RBFOX1: variants seen among roughly 807,000 people sequenced by gnomAD.
RBFOX1 encodes RNA binding protein fox-1 homolog 1.
A neutral mutation model predicts 57.7 loss-of-function variants in RBFOX1; 8 were observed. The ratio of observed to expected loss-of-function variants is 0.14; its 90% CI spans 0.08 to 0.25. RBFOX1 has a LOEUF of 0.25. Among genes scored for constraint, RBFOX1 ranks in the 10% least tolerant of loss-of-function variants. The probability of loss-of-function intolerance (pLI) is 1.00; values close to 1 mark genes in which losing one functional copy is unlikely to be tolerated. For missense variants in RBFOX1, 611 were observed against 548.5 expected, an observed-to-expected ratio of 1.11 and a Z score of -1.14; for synonymous variants, 326 against 222.4, an observed-to-expected ratio of 1.47 and a Z score of -4.15.
intron 12 of RBFOX1, among the ~76,000 whole-genome samples, chr16:7,662,090 C>T (rs940328971): frequency 2.6e-5 from 4 of 152,180 alleles, no homozygotes; most frequent in Non-Finnish European, 5.9e-5. Context: ...AACCCCAACT[C>T]TTGGCCCACA....
intron 3 of RBFOX1, among the ~76,000 whole-genome samples, chr16:6,900,069 C>T (rs867554768): frequency 1.3e-5 from 2 of 152,218 alleles, no homozygotes; most frequent in Middle Eastern, 3.4e-3. Flanking sequence ...TGAGTTAATA[C>T]TCATAAAATG....
chr16:6,658,905 G>GTTTTTTGT (rs145933406), intron 3 of RBFOX1, among the ~76,000 whole-genome samples: 1 of 114,304 alleles, frequency 8.7e-6, no homozygotes, highest in East Asian at 4.2e-4. Context: ...AGGAGCACAG[G>GTTTTTTGT]TTTTTTGTTT....
At chr16:5,545,769 A>C (rs545264519) in intron 2 of RBFOX1, among the ~76,000 whole-genome samples, 2 of 152,328 alleles carry the variant, frequency 1.3e-5, no homozygotes, top group Non-Finnish European at 2.9e-5. Flanking sequence ...CTTTCTGCTT[A>C]AGATCGGGAA....
intron 1 of RBFOX1, among the ~76,000 whole-genome samples, chr16:6,045,234 C>G (rs967472414): frequency 6.6e-6 from 1 of 152,320 alleles, no homozygotes; most frequent in Admixed American, 6.5e-5. Context: ...GATGCTACTG[C>G]TGCTGACCTG....
intron 4 of RBFOX1, among the ~76,000 whole-genome samples, chr16:7,132,951 A>G (rs995713195): frequency 6.6e-6 from 1 of 152,224 alleles, no homozygotes; most frequent in Non-Finnish European, 1.5e-5. Context: ...TGTGATTCTG[A>G]TGAAACTGCA....
intron 4 of RBFOX1, among the ~76,000 whole-genome samples, chr16:7,261,772 C>T (rs544437803): frequency 4.6e-5 from 7 of 152,222 alleles, no homozygotes; most frequent in South Asian, 2.1e-4. Flanking sequence ...AGTGAGATCA[C>T]GAGAGCCTGA....
At chr16:5,935,665 C>T (rs900540253) in intron 4 of RBFOX1, among the ~76,000 whole-genome samples, 2 of 152,126 alleles carry the variant, frequency 1.3e-5, no homozygotes, top group East Asian at 1.9e-4. Context: ...CTAGGAAGGG[C>T]GGTCCCTCCA....
chr16:6,750,337 T>G lies in RBFOX1; in HGVS notation c.-16+95687T>G, dbSNP rs528404823. 3.8e-4 allele frequency among the ~76,000 whole-genome samples: 58 copies of G among 152,324 alleles called. No individual in the cohort carries two copies. The East Asian group carries it at 0.01, about 27-fold the overall frequency. ...TTAATAATGGGTCATAGAGAGGAGC[T>G]TGGTGATAGATGCCTTATTATGGTA... On this transcript the variant is annotated intron_variant, in intron 3 of 15. Coordinates refer to ENST00000550418, the MANE Select transcript of RBFOX1 (RefSeq NM_018723.4).
intron 1 of RBFOX1, among the ~76,000 whole-genome samples, chr16:6,152,437 A>G (rs1013978399): frequency 6.6e-6 from 1 of 152,208 alleles, no homozygotes; most frequent in Non-Finnish European, 1.5e-5. Context: ...ACTTCAAGGT[A>G]GAAGCAGGAA....
chr16:7,349,529 C>T (rs2097088416), intron 4 of RBFOX1, among the ~76,000 whole-genome samples: 3 of 150,660 alleles, frequency 2.0e-5, no homozygotes. Flanking sequence ...ATTTAAAAGA[C>T]TTTTTTTTTT....
At chr16:7,493,968 A>C (rs1363901530) in intron 4 of RBFOX1, among the ~76,000 whole-genome samples, 1 of 152,178 alleles carries the variant, frequency 6.6e-6, no homozygotes, top group South Asian at 2.1e-4. Flanking sequence ...ACAATTTCTT[A>C]GTTATTTGAA....
chr16:5,788,488 G>T (rs2054585452), intron 3 of RBFOX1, among the ~76,000 whole-genome samples: 1 of 152,250 alleles, frequency 6.6e-6, no homozygotes, highest in South Asian at 2.1e-4. Context: ...ATTTAGCTGG[G>T]CATGGTGGCA....
chr16:6,238,821 T>C (rs1401882455), intron 1 of RBFOX1, among the ~76,000 whole-genome samples: 1 of 152,252 alleles, frequency 6.6e-6, no homozygotes, highest in Non-Finnish European at 1.5e-5. Context: ...TGTTTTGATA[T>C]AGACGTGCAA....
rs117384542 is a variant in RBFOX1 at position 5,687,564 on chromosome 16, T to C, written c.318+88603T>C. On this transcript the variant is annotated intron_variant, in intron 3 of 19. Transcript: ENST00000641259. ...GAGTGGAACCCATGTAAATAGTATC[T>C]TAAAGTTTCAGACTAAGTCTTTGGC... Among the ~76,000 whole-genome samples, 5 of 152,342 alleles carry C rather than the reference T, an allele frequency of 3.3e-5. No individual in the cohort carries two copies. In the East Asian group the frequency reaches 9.6e-4, roughly 29 times the overall value.
At chr16:7,005,248 T>C (rs1596677620) in intron 3 of RBFOX1, among the ~76,000 whole-genome samples, 1 of 152,200 alleles carries the variant, frequency 6.6e-6, no homozygotes, top group African/African-American at 2.4e-5. Context: ...TGCTAATAGC[T>C]TTCCCCTTAC....
chr16:6,506,676 C>T (rs1237435195), intron 2 of RBFOX1, among the ~76,000 whole-genome samples: 2 of 101,236 alleles, frequency 2.0e-5, no homozygotes, highest in Non-Finnish European at 3.5e-5. Flanking sequence ...GAGATGGAGT[C>T]TCGCTTTGTC....
intron 4 of RBFOX1, among the ~76,000 whole-genome samples, chr16:7,171,092 C>T (rs1447076541): frequency 6.6e-6 from 1 of 152,188 alleles, no homozygotes; most frequent in Admixed American, 6.5e-5. Flanking sequence ...AGCTCCATCC[C>T]AGCTTTCTTC....
intron 5 of RBFOX1, among the ~76,000 whole-genome samples, chr16:7,534,171 C>G (rs2080910981): frequency 6.6e-6 from 1 of 151,008 alleles, no homozygotes; most frequent in South Asian, 2.1e-4. Flanking sequence ...ACTGCAGCCT[C>G]CACCTCCCAG....
At chr16:5,781,944 G>A (rs558112621) in intron 3 of RBFOX1, among the ~76,000 whole-genome samples, 1 of 152,224 alleles carries the variant, frequency 6.6e-6, no homozygotes, top group South Asian at 2.1e-4. Flanking sequence ...GGTGGTTCAT[G>A]CCTGTAATCC....
Sources: allele counts gnomAD v4.1 joint callset (sites outside exome capture counted in the v4.1 genomes callset), GRCh38; gene constraint gnomAD v4.1.1; transcripts MANE v1.5; gene names NCBI Gene and HGNC (gene_info 2026-07-23, HGNC 2026-07-21).